Variants in PRKG1 observed in about 807,000 individuals in gnomAD.
PRKG1 encodes the protein cGMP-dependent protein kinase 1.
A neutral mutation model predicts 88.1 loss-of-function variants in PRKG1; 35 were observed. That is an observed-to-expected ratio of 0.40 (90% CI 0.30 to 0.53). The LOEUF (loss-of-function observed/expected upper bound fraction) is 0.53, where lower values mean the gene tolerates loss of function less well. Among genes scored for constraint, PRKG1 ranks in the 20% least tolerant of loss-of-function variants. PRKG1 has a pLI of 0.59. For missense variants in PRKG1, 540 were observed against 839.8 expected, an observed-to-expected ratio of 0.64 and a Z score of 4.41; for synonymous variants, 303 against 292.5, an observed-to-expected ratio of 1.04 and a Z score of -0.37.
chr10:51,385,478 A>C (rs1311017881), intron 2 of PRKG1, among the ~76,000 whole-genome samples: 1 of 152,174 alleles, frequency 6.6e-6, no homozygotes, highest in African/African-American at 2.4e-5. Context: ...CTGTTTACCC[A>C]CAGTAGCCCA....
chr10:51,491,946 C>G (rs986401), intron 3 of PRKG1, among the ~76,000 whole-genome samples: 1 of 151,992 alleles, frequency 6.6e-6, no homozygotes, highest in African/African-American at 2.4e-5. Context: ...TCCATGAATA[C>G]TGAGTGAAAG....
At chr10:52,180,727 G>T (rs1401508406) in intron 9 of PRKG1, among the ~76,000 whole-genome samples, 2 of 152,176 alleles carry the variant, frequency 1.3e-5, no homozygotes, top group Non-Finnish European at 2.9e-5. Context: ...CCAGACATCG[G>T]CTTGTCAGGC....
At chr10:51,492,917 A>G (rs1439886627) in intron 3 of PRKG1, among the ~76,000 whole-genome samples, 2 of 152,174 alleles carry the variant, frequency 1.3e-5, no homozygotes, top group East Asian at 3.8e-4. Flanking sequence ...TAGATCTTTT[A>G]ATTATCTCAA....
At chr10:51,559,251 A>G (rs1333409857) in intron 3 of PRKG1, among the ~76,000 whole-genome samples, 2 of 152,062 alleles carry the variant, frequency 1.3e-5, no homozygotes, top group African/African-American at 4.8e-5. Flanking sequence ...ATCAGGGAAA[A>G]TGCCTTATAC....
chr10:51,592,112 T>G (rs567016143), intron 3 of PRKG1, among the ~76,000 whole-genome samples: 1 of 152,158 alleles, frequency 6.6e-6, no homozygotes, highest in Non-Finnish European at 1.5e-5. Context: ...GGGAAAGAAC[T>G]CAAACTGGGA....
At chr10:51,829,118 T>C (rs924893478) in intron 4 of PRKG1, among the ~76,000 whole-genome samples, 4 of 152,178 alleles carry the variant, frequency 2.6e-5, no homozygotes, top group Non-Finnish European at 5.9e-5. Flanking sequence ...AGCTCATTCA[T>C]GTGGCTGTTG....
intron 8 of PRKG1, among the ~76,000 whole-genome samples, chr10:52,144,630 G>C (rs1056613547): frequency 6.6e-5 from 10 of 152,082 alleles, no homozygotes; most frequent in Admixed American, 6.6e-4. Flanking sequence ...GGCCAACATG[G>C]TGAAACCCTG....
At chr10:51,533,815 C>T (rs1013581123) in intron 3 of PRKG1, among the ~76,000 whole-genome samples, 2 of 152,026 alleles carry the variant, frequency 1.3e-5, no homozygotes, top group Non-Finnish European at 2.9e-5. Flanking sequence ...TGGGTGAAAA[C>T]CTGTAAATTA....
At chr10:51,289,020 G>A (rs570703296) in intron 2 of PRKG1, among the ~76,000 whole-genome samples, 22 of 152,062 alleles carry the variant, frequency 1.4e-4, no homozygotes, top group Non-Finnish European at 2.6e-4. Context: ...ATCTAGAATG[G>A]AAAGGCTAGG....
intron 5 of PRKG1, among the ~76,000 whole-genome samples, chr10:51,933,401 A>G (rs1564714824): frequency 1.3e-5 from 2 of 152,130 alleles, no homozygotes; most frequent in Admixed American, 1.3e-4. Flanking sequence ...TTCAATTTAA[A>G]TATATTGCAT....
intron 7 of PRKG1, among the ~76,000 whole-genome samples, chr10:52,125,328 G>A (rs554158356): frequency 6.6e-6 from 1 of 152,250 alleles, no homozygotes; most frequent in East Asian, 1.9e-4. Context: ...CATGCTTCCT[G>A]TAACACATTT....
intron 2 of PRKG1, among the ~76,000 whole-genome samples, chr10:51,230,393 T>G (rs1039668416): frequency 2.0e-5 from 3 of 152,206 alleles, no homozygotes; most frequent in African/African-American, 7.2e-5. Context: ...GTATTTACTT[T>G]TCACATTATA....
At chr10:51,046,875 G>A (rs1210076676) in intron 1 of PRKG1, among the ~76,000 whole-genome samples, 2 of 152,134 alleles carry the variant, frequency 1.3e-5, no homozygotes, top group African/African-American at 2.4e-5. Flanking sequence ...TCTCATCTTG[G>A]AGCACGCTTG....
chr10:51,280,738 A>G (rs1840271935), intron 2 of PRKG1, among the ~76,000 whole-genome samples: 1 of 152,160 alleles, frequency 6.6e-6, no homozygotes, highest in South Asian at 2.1e-4. Flanking sequence ...GGACTTCTCT[A>G]CACTGGTTAT....
At chr10:51,299,001 T>TA (rs1284745044) in intron 2 of PRKG1, among the ~76,000 whole-genome samples, 2 of 152,168 alleles carry the variant, frequency 1.3e-5, no homozygotes, top group Non-Finnish European at 1.5e-5. Flanking sequence ...GTTTGTTGTC[T>TA]AAAGTGTAAT....
chr10:52,109,539 G>C (rs1186485036), intron 7 of PRKG1, among the ~76,000 whole-genome samples: 1 of 152,176 alleles, frequency 6.6e-6, no homozygotes, highest in Non-Finnish European at 1.5e-5. Context: ...GGCCGAGGTG[G>C]GCAGATCACC....
rs140877905 is a variant in PRKG1, at chr10:51,702,932, C to A, written c.593-101653C>A. Among the ~76,000 whole-genome samples, 274 of 152,222 alleles carry A rather than the reference C, an allele frequency of 1.8e-3. 1 individual carries two copies. The highest frequency in any genetic ancestry group is 6.3e-3 in the African/African-American group (263 of 41,544). Reference sequence around the variant, plus strand: ...CTGGTCTTGAACTCCTGAGCTCAAGCGATCTGCTTGCCTCAGTCTCCCAAA... The same window carrying A: ...CTGGTCTTGAACTCCTGAGCTCAAGAGATCTGCTTGCCTCAGTCTCCCAAA... On this transcript the variant is annotated intron_variant, in intron 3 of 17. Coordinates refer to ENST00000373980, the MANE Select transcript of PRKG1 (RefSeq NM_006258.4).
chr10:51,427,545 A>G (rs1275858411), intron 2 of PRKG1, among the ~76,000 whole-genome samples: 2 of 152,142 alleles, frequency 1.3e-5, no homozygotes, highest in African/African-American at 2.4e-5. Flanking sequence ...GTACCATATA[A>G]CCCTGTGGCT....
At chr10:51,631,415 T>C (rs1257073307) in intron 3 of PRKG1, among the ~76,000 whole-genome samples, 1 of 152,202 alleles carries the variant, frequency 6.6e-6, no homozygotes, top group Non-Finnish European at 1.5e-5. Context: ...GATTCTGACT[T>C]AAATCCTGCC....
Sources: gnomAD v4.1 joint callset for allele counts (sites outside exome capture counted in the v4.1 genomes callset) on GRCh38, gnomAD v4.1.1 for gene constraint, MANE v1.5 for transcripts, NCBI Gene and HGNC (gene_info 2026-07-23, HGNC 2026-07-21) for gene names.